LRIT1: variants seen among roughly 807,000 people sequenced by gnomAD.
LRIT1 encodes leucine-rich repeat, immunoglobulin-like domain and transmembrane domain-containing protein 1.
In LRIT1, 23 loss-of-function variants were observed where a neutral mutation model predicts 24.0. The ratio of observed to expected loss-of-function variants is 0.96; its 90% CI spans 0.69 to 1.36. The LOEUF (loss-of-function observed/expected upper bound fraction) is 1.36. Ranked by LOEUF, LRIT1 falls within the 40% of genes most tolerant of loss-of-function variation. The probability of loss-of-function intolerance (pLI) is 0.00; values close to 1 mark genes in which losing one functional copy is unlikely to be tolerated. For synonymous variants in LRIT1, 361 were observed against 340.5 expected (o/e 1.06, Z -0.66); for missense variants, 846 against 806.3 (o/e 1.05, Z -0.60).
At chr10:84,236,199 G>A (rs1381023104) in intron 2 of LRIT1, among the ~76,000 whole-genome samples, 1 of 151,958 alleles carries the variant, frequency 6.6e-6, no homozygotes, top group Non-Finnish European at 1.5e-5. Context: ...GGGAGGCTGA[G>A]GCAGGAGAAT....
In LRIT1 at chr10:84,237,529, C is replaced by A. The variant is rs780866406; in HGVS notation, c.280G>T (p.Ala94Ser). 1.9e-6 allele frequency: 3 copies of A among 1,604,586 alleles called. No homozygotes were observed. Among genetic ancestry groups the A allele is most frequent in the East Asian group, 2.2e-5 (1 of 44,818 alleles). The stretch of plus-strand genomic sequence containing the variant: ...ATGAGGGCGTTGAGCTCGCTGAGGG[C>A]GTTGTAAGGCAGCCACAGCTGCTCC... The part of the protein sequence containing the change: ...RLEQLWLPYN[A>S]LSELNALMLR... Residue 94 changes from alanine to serine, a missense_variant, in exon 2 of 4, where the codon GCC becomes TCC. Physicochemically the swap from Ala to Ser is moderately conservative, Grantham distance 99. Transcript: ENST00000372105.
chr10:84,234,526 G>A, intron 2 of LRIT1, 148 bp from the exon 3 acceptor site: 1 of 528,898 alleles, frequency 1.9e-6, no homozygotes, highest in Non-Finnish European at 3.2e-6. Context: ...CTTGCTAGTA[G>A]TATGACCTGA....
chr10:84,238,097 T>C (rs1842667322), intron 1 of LRIT1, among the ~76,000 whole-genome samples: 1 of 152,220 alleles, frequency 6.6e-6, no homozygotes, highest in South Asian at 2.1e-4. Flanking sequence ...CTCACGCCTG[T>C]AATCCCAGCA....
At chr10:84,236,007 G>A (rs1479338742) in intron 2 of LRIT1, among the ~76,000 whole-genome samples, 6 of 151,358 alleles carry the variant, frequency 4.0e-5, no homozygotes, top group African/African-American at 9.7e-5. Context: ...GCACAAGAAC[G>A]TATTGCCGGC....
In LRIT1 at chr10:84,237,299, G is replaced by A. The variant is rs145712962; in HGVS notation, c.510C>T (p.Leu170=). ...LDLSSNQLMR[L]PQELIVSWAH... ...CCCAGGAGACGATGAGCTCCTGCGG[G>A]AGCCTCATCAGCTGGTTGCTGGAGA... Residue 170 remains leucine (L), a synonymous_variant, in exon 2 of 4, where the codon CTC becomes CTT. Coordinates refer to ENST00000372105, the MANE Select transcript of LRIT1 (RefSeq NM_015613.3). The A allele has an allele frequency of 1.9e-4, 301 of 1,551,088 alleles. No individual in the cohort carries two copies. The African/African-American group carries it at 3.7e-3, about 19-fold the overall frequency.
chr10:84,240,233 G>A (rs1449310891), intron 1 of LRIT1, among the ~76,000 whole-genome samples: 1 of 152,234 alleles, frequency 6.6e-6, no homozygotes. Context: ...TGCCCAGGCT[G>A]GGAACAGCAG....
In LRIT1 at chr10:84,232,765, ACAAT is replaced by A; in HGVS notation, c.1030_1033del (p.Ile344SerfsTer61). 1 of 1,614,024 alleles carries A rather than the reference ACAAT, an allele frequency of 6.2e-7. No individual in the cohort carries two copies. The highest frequency in any genetic ancestry group is 8.5e-7 in the Non-Finnish European group (1 of 1,180,020). On this transcript the variant is annotated frameshift_variant, in exon 4 of 4. Transcript: ENST00000372105. LOFTEE classifies it low-confidence loss of function (END_TRUNC). ...TTCTGTGGAAGTCGGTGGCTCAGTG[ACAAT>A]CAAGGAGATAACAGTTTCAGAGGCT...
At chr10:84,234,445 T>C in intron 2 of LRIT1, 67 bp from the exon 3 acceptor site, 1 of 1,305,296 alleles carries the variant, frequency 7.7e-7, no homozygotes, top group African/African-American at 1.5e-5. Context: ...CCAGCACCCC[T>C]TCCCCTCTGG....
At chr10:84,239,688 T>C (rs4933989) in intron 1 of LRIT1, among the ~76,000 whole-genome samples, 95,396 of 152,134 alleles carry the variant, frequency 0.63, 31,255 homozygotes, top group African/African-American at 0.82. Flanking sequence ...TTCAGATGCA[T>C]AGCCCAGCTC....
chr10:84,234,308 G>T lies in LRIT1; in HGVS notation c.660C>A (p.Ala220=). 1 of 1,607,414 alleles carries T rather than the reference G, an allele frequency of 6.2e-7. No homozygotes were observed. The highest frequency in any genetic ancestry group is 8.5e-7 in the Non-Finnish European group (1 of 1,176,338). ...YDLVHLLDGW[A]PNLAFIETEL... ...CAGTCTCAATGAAGGCCAAGTTTGGGGCCCAGCCATCCAAAAGATGAACCA... is the reference window on the plus strand; with the variant it reads ...CAGTCTCAATGAAGGCCAAGTTTGGTGCCCAGCCATCCAAAAGATGAACCA... Residue 220 remains alanine (A), a synonymous_variant, in exon 3 of 4, where the codon GCC becomes GCA. Transcript: ENST00000372105.
intron 1 of LRIT1, among the ~76,000 whole-genome samples, chr10:84,240,342 G>C (rs979836661): frequency 6.6e-6 from 1 of 152,138 alleles, no homozygotes; most frequent in African/African-American, 2.4e-5. Flanking sequence ...AGCTCATTCT[G>C]GTTCTCAGAT....
At position 84,241,309 on chromosome 10, in the gene LRIT1, G is replaced by A. The variant is rs771574064; in HGVS notation, c.122+9C>T. 1.5e-5 allele frequency: 24 copies of A among 1,613,764 alleles called. No individual in the cohort carries two copies. In the African/African-American group the frequency reaches 2.5e-4, roughly 17 times the overall value. Reference sequence around the variant, plus strand: ...CTGGGCTGCCCGTCCCACGCACCCGGTACCATACCTGGCCTTGCTGCCATC... The same window carrying A: ...CTGGGCTGCCCGTCCCACGCACCCGATACCATACCTGGCCTTGCTGCCATC... On this transcript the variant is annotated intron_variant, in intron 1 of 3. Coordinates refer to ENST00000372105, the MANE Select transcript of LRIT1 (RefSeq NM_015613.3).
chr10:84,235,186 T>C (rs184172944), intron 2 of LRIT1, among the ~76,000 whole-genome samples: 2 of 152,258 alleles, frequency 1.3e-5, no homozygotes, highest in East Asian at 3.9e-4. Flanking sequence ...AATGATATCT[T>C]ATACATTCAC....
Position 84,232,205 on chromosome 10 carries a change from C to T in LRIT1, c.1594G>A (p.Val532Met), listed in dbSNP as rs779891945. 2 of 1,614,204 alleles carry T rather than the reference C, an allele frequency of 1.2e-6. No homozygotes were observed. Among genetic ancestry groups the T allele is most frequent in the South Asian group, 1.1e-5 (1 of 91,086 alleles). Residue 532 changes from valine (V) to methionine (M), a missense_variant, in exon 4 of 4, where the codon GTG becomes ATG. Physicochemically the swap from Val to Met is conservative, Grantham distance 21 (BLOSUM62 1). Coordinates refer to ENST00000372105, the MANE Select transcript of LRIT1 (RefSeq NM_015613.3). ...GCAATGACGATGGCCACACTGATCA[C>T]CACCACATTGATAAGCTGCTGAGTG... is the stretch of plus-strand genomic sequence containing the variant. ...ENTQQLINVVVISVAIVIALP... is the reference protein window; with the variant it reads ...ENTQQLINVVMISVAIVIALP...
intron 3 of LRIT1, 83 bp from the exon 4 acceptor site, chr10:84,232,986 A>G: frequency 6.9e-7 from 1 of 1,455,298 alleles, no homozygotes. Flanking sequence ...TCACAGCCCC[A>G]GGTGGTACAC....
chr10:84,241,482 G>A lies in LRIT1; in HGVS notation c.-43C>T. On this transcript the variant is annotated 5_prime_UTR_variant, in exon 1 of 4. Transcript: ENST00000372105. Reference sequence around the variant, plus strand: ...TGGCCCAGGCAGGGGCCTGTCCCTGGACCGCTCCGTCCCACCGGCCCAGCA... The same window carrying A: ...TGGCCCAGGCAGGGGCCTGTCCCTGAACCGCTCCGTCCCACCGGCCCAGCA... 5.5e-6 allele frequency: 8 copies of A among 1,453,244 alleles called. No homozygotes were observed. Among genetic ancestry groups the A allele is most frequent in the Non-Finnish European group, 7.2e-6 (8 of 1,110,230 alleles). 90.0% of individuals were successfully genotyped at this position (1,453,244 alleles called of 1,614,324 possible).
rs769319410 is a variant in LRIT1 at position 84,241,490 on chromosome 10, C to T, written c.-51G>A. 1.0e-4 allele frequency: 129 copies of T among 1,282,186 alleles called. 2 individuals are homozygous for T. Among genetic ancestry groups the T allele is most frequent in the South Asian group, 5.8e-4 (38 of 65,162 alleles). 79.4% of individuals were successfully genotyped at this position (1,282,186 alleles called of 1,614,324 possible). ...GCAGGGGCCTGTCCCTGGACCGCTCCGTCCCACCGGCCCAGCAAGCTCAGC... is the reference window on the plus strand; with the variant it reads ...GCAGGGGCCTGTCCCTGGACCGCTCTGTCCCACCGGCCCAGCAAGCTCAGC... On this transcript the variant is annotated 5_prime_UTR_variant, in exon 1 of 4. Transcript: ENST00000372105.
intron 1 of LRIT1, among the ~76,000 whole-genome samples, chr10:84,240,326 C>T (rs1465145799): frequency 6.6e-6 from 1 of 152,200 alleles, no homozygotes; most frequent in Non-Finnish European, 1.5e-5. Flanking sequence ...ACTTGGGCTA[C>T]AGTGGAGCTC....
At chr10:84,232,983 C>T in intron 3 of LRIT1, 80 bp from the exon 4 acceptor site, 1 of 1,477,836 alleles carries the variant, frequency 6.8e-7, no homozygotes, top group Admixed American at 1.9e-5. Context: ...AGTTCACAGC[C>T]CCAGGTGGTA....
Sources: allele counts gnomAD v4.1 joint callset (sites outside exome capture counted in the v4.1 genomes callset), GRCh38; gene constraint gnomAD v4.1.1; transcripts MANE v1.5; gene names NCBI Gene and HGNC (gene_info 2026-07-23, HGNC 2026-07-21).